The following PCDH9 variants were observed in gnomAD, a reference collection of about 807,000 sequenced individuals.
PCDH9 encodes the protein protocadherin 9, also known as protocadherin-9.
Under a neutral mutation model 70.6 loss-of-function variants are expected in PCDH9, and 24 were observed. That is an observed-to-expected ratio of 0.34 (90% confidence interval 0.25 to 0.48). The LOEUF (loss-of-function observed/expected upper bound fraction) is 0.48. Ranked by LOEUF, PCDH9 falls within the 20% of genes least tolerant of loss-of-function variation. The probability of loss-of-function intolerance (pLI) is 0.99; values close to 1 mark genes in which losing one functional copy is unlikely to be tolerated. For synonymous variants in PCDH9, 562 were observed against 558.5 expected (o/e 1.01, Z -0.09); for missense variants, 1,281 against 1,503.6 (o/e 0.85, Z 2.45).
chr13:67,110,207 A>C (rs1162603945), intron 2 of PCDH9, among the ~76,000 whole-genome samples: 1 of 151,994 alleles, frequency 6.6e-6, no homozygotes, highest in African/African-American at 2.4e-5. Context: ...AAAATTTAAA[A>C]AAAAAACAAA....
intron 3 of PCDH9, among the ~76,000 whole-genome samples, chr13:66,770,542 A>G (rs1323724351): frequency 6.6e-6 from 1 of 152,168 alleles, no homozygotes; most frequent in Non-Finnish European, 1.5e-5. Context: ...GACAGTTTCA[A>G]TAGGGGCCTC....
chr13:66,563,836 C>T (rs2076612074), intron 4 of PCDH9, among the ~76,000 whole-genome samples: 1 of 152,106 alleles, frequency 6.6e-6, no homozygotes, highest in Admixed American at 6.6e-5. Context: ...AGCATAATGC[C>T]CACCCCCTCT....
intron 3 of PCDH9, among the ~76,000 whole-genome samples, chr13:66,632,141 C>T (rs978326607): frequency 3.7e-4 from 57 of 152,236 alleles, no homozygotes; most frequent in African/African-American, 1.2e-3. Flanking sequence ...GTAATCCGCC[C>T]GCCTTGGCCT....
intron 3 of PCDH9, among the ~76,000 whole-genome samples, chr13:66,722,986 A>G: frequency 6.7e-6 from 1 of 149,524 alleles, no homozygotes. Flanking sequence ...AAAAAAAAAA[A>G]GTGATGATAA....
intron 4 of PCDH9, among the ~76,000 whole-genome samples, chr13:66,439,729 G>A (rs1052785176): frequency 1.3e-5 from 2 of 151,994 alleles, no homozygotes; most frequent in African/African-American, 4.8e-5. Context: ...ATGGTGTTAG[G>A]CTTCACGGTA....
chr13:66,648,065 G>T (rs2077796495), intron 3 of PCDH9, among the ~76,000 whole-genome samples: 1 of 152,204 alleles, frequency 6.6e-6, no homozygotes. Flanking sequence ...AGATTCCTAA[G>T]GTTTTCAATT....
intron 4 of PCDH9, among the ~76,000 whole-genome samples, chr13:66,465,543 C>T (rs777028873): frequency 1.3e-5 from 2 of 151,656 alleles, no homozygotes; most frequent in East Asian, 1.9e-4. Flanking sequence ...GACAGTATAC[C>T]GTCTAGTTTT....
At chr13:66,723,428 C>T (rs1440695249) in intron 3 of PCDH9, among the ~76,000 whole-genome samples, 1 of 152,060 alleles carries the variant, frequency 6.6e-6, no homozygotes, top group Non-Finnish European at 1.5e-5. Context: ...TTTACAAATT[C>T]AGGGAAGTGA....
At chr13:66,665,600 T>C (rs1302033420) in intron 3 of PCDH9, among the ~76,000 whole-genome samples, 3 of 152,294 alleles carry the variant, frequency 2.0e-5, no homozygotes, top group South Asian at 2.1e-4. Flanking sequence ...CTGTGACTTA[T>C]TAACTTGCTT....
chr13:66,981,244 G>A (rs546071185), intron 2 of PCDH9, among the ~76,000 whole-genome samples: 121 of 152,006 alleles, frequency 8.0e-4, no homozygotes, highest in Admixed American at 2.0e-3. Context: ...CAAGACCATC[G>A]TGGCTAACAC....
intron 4 of PCDH9, among the ~76,000 whole-genome samples, chr13:66,387,286 G>A (rs1196694942): frequency 6.6e-6 from 1 of 152,018 alleles, no homozygotes; most frequent in East Asian, 1.9e-4. Flanking sequence ...CAAAAGTTAT[G>A]TGCAGTGTGA....
intron 4 of PCDH9, among the ~76,000 whole-genome samples, chr13:66,616,677 G>A (rs2077360595): frequency 1.3e-5 from 2 of 151,942 alleles, no homozygotes; most frequent in South Asian, 4.2e-4. Context: ...ATCACTTGGA[G>A]GTTTCCTTTC....
intron 3 of PCDH9, among the ~76,000 whole-genome samples, chr13:66,751,995 A>G (rs992184316): frequency 6.6e-6 from 1 of 152,186 alleles, no homozygotes; most frequent in African/African-American, 2.4e-5. Flanking sequence ...AAAAAGGGAG[A>G]TAATTTACTA....
At chr13:66,588,352 C>CTACAAAT (rs2076991680) in intron 4 of PCDH9, among the ~76,000 whole-genome samples, 1 of 151,928 alleles carries the variant, frequency 6.6e-6, no homozygotes, top group Non-Finnish European at 1.5e-5. Context: ...TATCCTTAGG[C>CTACAAAT]TACAAATTTA....
intron 2 of PCDH9, among the ~76,000 whole-genome samples, chr13:67,075,316 G>C (rs577656667): frequency 4.6e-5 from 7 of 151,990 alleles, no homozygotes; most frequent in Non-Finnish European, 7.4e-5. Flanking sequence ...ATATTGGTCA[G>C]TTATAAAAGG....
rs67182136 is a variant in PCDH9, at chr13:66,944,817, C to CTGTGTGTGTGTGTGTGTG, written c.3037-41230_3037-41213dup. Reference sequence around the variant, plus strand: ...TTTAAGGCCCATCTTCTAATCGTCTCTGTGTGTGTGTGTGTGTGTGTGTGT... The same window carrying CTGTGTGTGTGTGTGTGTG: ...TTTAAGGCCCATCTTCTAATCGTCTCTGTGTGTGTGTGTGTGTGTGTGTGTGTGTGTGTGTGTGTGTGT... On this transcript the variant is annotated intron_variant, in intron 2 of 4. Transcript: ENST00000377865. 3.3e-4 allele frequency among the ~76,000 whole-genome samples: 45 copies of CTGTGTGTGTGTGTGTGTG among 135,446 alleles called. 1 individual carries two copies. The highest frequency in any genetic ancestry group is 1.2e-3 in the African/African-American group (42 of 35,234). 88.9% of individuals were successfully genotyped at this position (135,446 alleles called of 152,430 possible).
intron 4 of PCDH9, among the ~76,000 whole-genome samples, chr13:66,479,163 T>A (rs1054896684): frequency 3.3e-5 from 5 of 152,194 alleles, no homozygotes; most frequent in African/African-American, 1.2e-4. Flanking sequence ...TTTGAGAGCA[T>A]GGTTTAGTGA....
intron 3 of PCDH9, among the ~76,000 whole-genome samples, chr13:66,702,343 A>C (rs1294658062): frequency 3.3e-5 from 5 of 152,188 alleles, no homozygotes; most frequent in Non-Finnish European, 5.9e-5. Flanking sequence ...AAATAGATCT[A>C]TGTATGTATG....
chr13:66,807,589 G>A (rs567083762), intron 3 of PCDH9, among the ~76,000 whole-genome samples: 2 of 152,180 alleles, frequency 1.3e-5, no homozygotes, highest in African/African-American at 2.4e-5. Context: ...AGCTTTAAGT[G>A]AGATAATTTA....
Sources: allele counts gnomAD v4.1 joint callset (sites outside exome capture counted in the v4.1 genomes callset), GRCh38; gene constraint gnomAD v4.1.1; transcripts MANE v1.5; gene names NCBI Gene and HGNC (gene_info 2026-07-23, HGNC 2026-07-21).